The following PLA2G4B variants were observed in gnomAD, a reference collection of about 807,000 sequenced individuals.
PLA2G4B encodes the protein phospholipase A2 group IVB.
Under a neutral mutation model 95.8 loss-of-function variants are expected in PLA2G4B, and 122 were observed. That is an observed-to-expected ratio of 1.27 (90% CI 1.10 to 1.48). The LOEUF (loss-of-function observed/expected upper bound fraction) is 1.48. Among genes scored for constraint, PLA2G4B ranks in the 40% most tolerant of loss-of-function variants. PLA2G4B has a pLI of 0.00. For synonymous variants in PLA2G4B, 518 were observed against 421.5 expected, an observed-to-expected ratio of 1.23 and a Z score of -2.80; for missense variants, 1,158 against 996.2, an observed-to-expected ratio of 1.16 and a Z score of -2.19.
chr15:41,841,795 C>T (rs1286293501), intron 7 of PLA2G4B, 24 bp from the exon 8 acceptor site: 1 of 1,611,798 alleles, frequency 6.2e-7, no homozygotes, highest in East Asian at 2.2e-5. Flanking sequence ...TCCCCAGCCT[C>T]TCTGCTCTGG....
chr15:41,846,547 G>A, intron 17 of PLA2G4B, 122 bp from the exon 18 acceptor site: 2 of 1,506,462 alleles, frequency 1.3e-6, no homozygotes, highest in East Asian at 2.3e-5. Context: ...GGGCCCACCT[G>A]CAGGGCTGTG....
rs758068157 is a variant in PLA2G4B at position 41,846,829 on chromosome 15, C to A, written c.1941C>A (p.Ala647=). ...CATTGGACTACAACCTCCACGGAGC[C>A]TTCCAGGTTGGGAAGGGTGGGCAGC... ...ILSLDYNLHG[A]FQQLQLLGRF... The change falls in exon 18 of 20, where the codon GCC becomes GCA. Residue 647 remains alanine, a synonymous_variant. Coordinates refer to ENST00000458483, the MANE Select transcript of PLA2G4B (RefSeq NM_001114633.2). 4 of 1,609,280 alleles carry A rather than the reference C, an allele frequency of 2.5e-6. No homozygotes were observed. In the Admixed American group the frequency reaches 5.0e-5, roughly 20 times the overall value.
Position 41,848,050 on chromosome 15 carries a change from T to C in PLA2G4B, c.*190T>C. ...GGGGTAAGGAGGCCAAGCCCATTTG[T>C]GTAATCACCCAAAACCCCCCGGCCT... On this transcript the variant is annotated 3_prime_UTR_variant, in exon 20 of 20. Coordinates refer to ENST00000458483, the MANE Select transcript of PLA2G4B (RefSeq NM_001114633.2). The C allele has an allele frequency of 4.1e-6, 3 of 740,282 alleles. No homozygotes were observed. The highest frequency in any genetic ancestry group is 6.4e-6 in the Non-Finnish European group (3 of 465,180). The allele number at this position is 740,282 out of a possible 1,614,324, so 45.9% of individuals were successfully genotyped here.
rs191102295 is a variant in PLA2G4B, at chr15:41,847,628, C to T, written c.2135-21C>T. The T allele has an allele frequency of 8.7e-6, 14 of 1,613,558 alleles. No homozygotes were observed. The Admixed American group carries it at 1.2e-4, about 13-fold the overall frequency. On this transcript the variant is annotated intron_variant, in intron 19 of 19. Coordinates refer to ENST00000458483, the MANE Select transcript of PLA2G4B (RefSeq NM_001114633.2). Reference sequence around the variant, plus strand: ...CTTCCCCACAACGTGTTCCCCATGCCAGGCTGCACTCTCTCCACAGGGGTC... The same window carrying T: ...CTTCCCCACAACGTGTTCCCCATGCTAGGCTGCACTCTCTCCACAGGGGTC...
At position 41,848,126 on chromosome 15, in the gene PLA2G4B, A is replaced by G; in HGVS notation, c.*266A>G. 1 of 573,604 alleles carries G rather than the reference A, an allele frequency of 1.7e-6. No individual in the cohort carries two copies. The highest frequency in any genetic ancestry group is 2.9e-5 in the East Asian group (1 of 33,958). The allele number at this position is 573,604 out of a possible 1,614,324, so 35.5% of individuals were successfully genotyped here. On this transcript the variant is annotated 3_prime_UTR_variant, in exon 20 of 20. Coordinates refer to ENST00000458483, the MANE Select transcript of PLA2G4B (RefSeq NM_001114633.2). ...CTTGAGTAGTTGGAGCACTTGATAC[A>G]TCACAGACTCATACAAATGTGAGGC...
intron 13 of PLA2G4B, 50 bp downstream of exon 13, chr15:41,845,120 G>T (rs2065513754): frequency 1.2e-6 from 2 of 1,603,114 alleles, no homozygotes; most frequent in East Asian, 2.2e-5. Flanking sequence ...GCTGGAGCTG[G>T]GGCTCGGTGC....
At chr15:41,846,575 G>C in intron 17 of PLA2G4B, 94 bp from the exon 18 acceptor site, 2 of 1,525,880 alleles carry the variant, frequency 1.3e-6, no homozygotes, top group Non-Finnish European at 1.8e-6. Context: ...TGGTTCAGCA[G>C]GAGAGCAGGG....
chr15:41,841,674 C>T (rs889521253), intron 7 of PLA2G4B, 103 bp downstream of exon 7: 2 of 1,577,816 alleles, frequency 1.3e-6, no homozygotes, highest in Non-Finnish European at 1.7e-6. Context: ...CCCCTTAGGC[C>T]TTCTCGGGGG....
rs1376141311 is a variant in PLA2G4B, at chr15:41,841,042, G to T, written c.352-13G>T. On this transcript the variant is annotated splice_polypyrimidine_tract_variant and intron_variant, in intron 4 of 19. Transcript: ENST00000458483. Reference sequence around the variant, plus strand: ...TCTGACCCTTTCTAACTTACTTCTGGCTCTCTTCCCAGGGTGAGGGGCGCC... The same window carrying T: ...TCTGACCCTTTCTAACTTACTTCTGTCTCTCTTCCCAGGGTGAGGGGCGCC... 2.5e-6 allele frequency: 4 copies of T among 1,572,384 alleles called. No homozygotes were observed. The highest frequency in any genetic ancestry group is 3.5e-6 in the Non-Finnish European group (4 of 1,156,494).
At position 41,846,764 on chromosome 15, in the gene PLA2G4B, C is replaced by T. The variant is rs200391035; in HGVS notation, c.1876C>T (p.Pro626Ser). 3.3e-5 allele frequency: 54 copies of T among 1,614,046 alleles called. No homozygotes were observed. The highest frequency in any genetic ancestry group is 4.5e-5 in the Non-Finnish European group (53 of 1,179,976). Residue 626 changes from proline to serine, a missense_variant, in exon 18 of 20, where the codon CCC becomes TCC. Pro to Ser is a moderately conservative substitution (Grantham distance 74). Transcript: ENST00000458483. ...VGYLINTSCLPLLQPTRDVDL... is the reference protein window; with the variant it reads ...VGYLINTSCLSLLQPTRDVDL... ...CTACCTCATCAATACCAGCTGCCTG[C>T]CCCTCCTGCAGCCCACTCGGGACGT... is the stretch of plus-strand genomic sequence containing the variant.
In PLA2G4B at chr15:41,841,119, T is replaced by C. The variant is rs1337606146; in HGVS notation, c.392+24T>C. 4 of 1,606,388 alleles carry C rather than the reference T, an allele frequency of 2.5e-6. No individual in the cohort carries two copies. The East Asian group carries it at 9.0e-5, about 36-fold the overall frequency. ...CTGTGAGTCAGGGGCCTGGGGCAGT[T>C]TGGGTGGGAGTGCCTTGTGGGAAGG... On this transcript the variant is annotated intron_variant, in intron 5 of 19. Transcript: ENST00000458483.
Position 41,845,698 on chromosome 15 carries a change from C to T in PLA2G4B, c.1418C>T (p.Ser473Phe), listed in dbSNP as rs552060419. 1.9e-6 allele frequency: 3 copies of T among 1,613,760 alleles called. No homozygotes were observed. The highest frequency in any genetic ancestry group is 1.3e-5 in the African/African-American group (1 of 75,026). Reference protein sequence around the residue: ...GFPKYGAFIPSELFGSEFFMG... With the variant: ...GFPKYGAFIPFELFGSEFFMG... ...CCCAAGTACGGGGCCTTCATCCCCT[C>T]TGAGCTCTTTGGCTCCGAGTTCTTT... The change falls in exon 15 of 20, where the codon TCT (serine) becomes TTT (phenylalanine). Residue 473 changes from serine (S) to phenylalanine (F), a missense_variant. Coordinates refer to ENST00000458483, the MANE Select transcript of PLA2G4B (RefSeq NM_001114633.2).
Position 41,840,246 on chromosome 15 carries a change from C to T in PLA2G4B, c.82+16C>T, listed in dbSNP as rs2065401611. Reference sequence around the variant, plus strand: ...AAGGACCTAGGTGAGTGCGCACCGCCCTGGCCCCTGTGCTGGGCTGAGGGA... The same window carrying T: ...AAGGACCTAGGTGAGTGCGCACCGCTCTGGCCCCTGTGCTGGGCTGAGGGA... On this transcript the variant is annotated intron_variant, in intron 2 of 19. Transcript: ENST00000458483. 3.1e-6 allele frequency: 5 copies of T among 1,612,358 alleles called. No individual in the cohort carries two copies. The East Asian group carries it at 1.1e-4, about 36-fold the overall frequency.
At position 41,839,974 on chromosome 15, in the gene PLA2G4B, G is replaced by A. The variant is rs1458248934; in HGVS notation, c.10-184G>A. 4.4e-6 allele frequency: 3 copies of A among 681,822 alleles called. No homozygotes were observed. In the African/African-American group the frequency reaches 5.4e-5, roughly 12 times the overall value. 42.2% of individuals were successfully genotyped at this position (681,822 alleles called of 1,614,324 possible). ...AGAGCCGGCGCAGAGCATTGTGTAA[G>A]TGCTGGCAGGCGTCATGATGGAGAT... is the stretch of plus-strand genomic sequence containing the variant. On this transcript the variant is annotated intron_variant, in intron 1 of 19. Coordinates refer to ENST00000458483, the MANE Select transcript of PLA2G4B (RefSeq NM_001114633.2).
In PLA2G4B at chr15:41,847,843, C is replaced by T. The variant is rs1295169575; in HGVS notation, c.2329C>T (p.Gln777Ter). Residue 777 changes from glutamine (Q) to a stop codon, truncating the protein, a stop_gained, in exon 20 of 20, where the codon CAG becomes TAG. Coordinates refer to ENST00000458483, the MANE Select transcript of PLA2G4B (RefSeq NM_001114633.2). LOFTEE classifies it high-confidence loss of function. ...GCGCCAGGCAGTGCAGCGGAGGCGG[C>T]AGCGCAGGCCCCACTGATGGCCGGG... The part of the protein sequence containing the change: ...ALRQAVQRRR[Q>*]RRPH 3 of 1,612,776 alleles carry T rather than the reference C, an allele frequency of 1.9e-6. No homozygotes were observed. Among genetic ancestry groups the T allele is most frequent in the Middle Eastern group, 1.7e-4 (1 of 6,056 alleles).
In PLA2G4B at chr15:41,846,325, C is replaced by T. The variant is rs761455465; in HGVS notation, c.1723C>T (p.Arg575Cys). 83 of 1,612,236 alleles carry T rather than the reference C, an allele frequency of 5.1e-5. No homozygotes were observed. In the East Asian group the frequency reaches 8.9e-4, roughly 17 times the overall value. ...GGCCCAGGCCACACATAATTTCCTGCGTGGCCTCCATTTCCACAAAGACTA... is the reference window on the plus strand; with the variant it reads ...GGCCCAGGCCACACATAATTTCCTGTGTGGCCTCCATTTCCACAAAGACTA... ...PLAQATHNFL[R>C]GLHFHKDYFQ... is the part of the protein sequence containing the mutation. The change falls in exon 17 of 20, where the codon CGT becomes TGT. Residue 575 changes from arginine (R) to cysteine (C), a missense_variant. Transcript: ENST00000458483.
At chr15:41,839,077 A>G (rs920939263) in intron 1 of PLA2G4B, 155 bp downstream of exon 1, 6 of 574,176 alleles carry the variant, frequency 1.0e-5, no homozygotes, top group Non-Finnish European at 1.5e-5. Context: ...AAGCCAGGGG[A>G]GGAGGAGGCT....
chr15:41,847,936 C>A lies in PLA2G4B; in HGVS notation c.*76C>A. On this transcript the variant is annotated 3_prime_UTR_variant, in exon 20 of 20. Transcript: ENST00000458483. Reference sequence around the variant, plus strand: ...GTTGCAGGTGGGAACTGTCATCACGCAGTGCTTCAGAGCCTCGGGCTCAGG... The same window carrying A: ...GTTGCAGGTGGGAACTGTCATCACGAAGTGCTTCAGAGCCTCGGGCTCAGG... 6.6e-7 allele frequency: 1 copy of A among 1,522,234 alleles called. No individual in the cohort carries two copies. Among genetic ancestry groups the A allele is most frequent in the Admixed American group, 2.0e-5 (1 of 50,804 alleles). 94.3% of individuals were successfully genotyped at this position (1,522,234 alleles called of 1,614,324 possible). A position where few individuals can be genotyped will look rare whatever the true frequency, so the allele number is the denominator to read the frequency against.
At chr15:41,845,528 G>C in intron 14 of PLA2G4B, 110 bp from the exon 15 acceptor site, 2 of 1,528,402 alleles carry the variant, frequency 1.3e-6, no homozygotes, top group Middle Eastern at 2.4e-4. Context: ...AGGCCACAAG[G>C]CCTGGGCCTC....
Sources: allele counts gnomAD v4.1 joint callset, GRCh38; gene constraint gnomAD v4.1.1; transcripts MANE v1.5; gene names NCBI Gene and HGNC (gene_info 2026-07-23, HGNC 2026-07-21).